The following OR51B5 variants were observed in gnomAD, a reference collection of about 807,000 sequenced individuals.
OR51B5 encodes the protein olfactory receptor family 51 subfamily B member 5, also known as olfactory receptor 51B5.
For missense variants in OR51B5, 456 were observed against 374.6 expected, an observed-to-expected ratio of 1.22 and a Z score of -1.79; for synonymous variants, 186 against 144.8, an observed-to-expected ratio of 1.28 and a Z score of -2.04.
chr11:5,355,752 C>CTTTTTTTT (rs1419599919), intron 1 of OR51B5, among the ~76,000 whole-genome samples: 3 of 79,398 alleles, frequency 3.8e-5, no homozygotes, highest in African/African-American at 9.7e-5. Context: ...TAACAATTAC[C>CTTTTTTTT]TTTAAAAATT....
chr11:5,503,830 T>C (rs114623216), intron 1 of OR51B5, among the ~76,000 whole-genome samples: 1,541 of 152,200 alleles, frequency 0.01, 25 homozygotes, highest in African/African-American at 0.035. Context: ...TTTTGAGGGG[T>C]AAGGATTAAA....
chr11:5,380,627 G>C (rs1040065220), intron 1 of OR51B5, among the ~76,000 whole-genome samples: 1 of 152,128 alleles, frequency 6.6e-6, no homozygotes, highest in Non-Finnish European at 1.5e-5. Flanking sequence ...AAGACTAAAG[G>C]CCACACACAT....
chr11:5,431,629 G>A (rs560874454), intron 1 of OR51B5: 48 of 153,302 alleles, frequency 3.1e-4, no homozygotes, highest in Non-Finnish European at 1.5e-4. Context: ...ATCAGTCTTC[G>A]CCTGCCATTT....
chr11:5,418,813 C>T (rs1850281457), intron 1 of OR51B5, among the ~76,000 whole-genome samples: 1 of 148,704 alleles, frequency 6.7e-6, no homozygotes. Context: ...ACCATCATGG[C>T]ACGTGTATAC....
At chr11:5,414,905 C>G (rs2133753950) in intron 1 of OR51B5, among the ~76,000 whole-genome samples, 1 of 152,314 alleles carries the variant, frequency 6.6e-6, no homozygotes, top group East Asian at 1.9e-4. Context: ...GAACTGAACT[C>G]AGCTCTGCAC....
At chr11:5,417,555 T>A (rs1181682681) in intron 1 of OR51B5, among the ~76,000 whole-genome samples, 1 of 148,294 alleles carries the variant, frequency 6.7e-6, no homozygotes, top group African/African-American at 2.5e-5. Context: ...ATCCAGAATC[T>A]ACAATGAACT....
chr11:5,361,001 TCG>T (rs1849275949), intron 1 of OR51B5, among the ~76,000 whole-genome samples: 1 of 114,792 alleles, frequency 8.7e-6, no homozygotes, highest in Non-Finnish European at 1.9e-5. Flanking sequence ...GGGGTGGGGG[TCG>T]GGGGGAGGGA....
At chr11:5,400,780 C>G (rs1849955834) in intron 1 of OR51B5, among the ~76,000 whole-genome samples, 1 of 152,154 alleles carries the variant, frequency 6.6e-6, no homozygotes. Flanking sequence ...TGCCTTGGTC[C>G]TGCAAGGTCC....
chr11:5,495,837 A>G (rs889718373), intron 1 of OR51B5, among the ~76,000 whole-genome samples: 1 of 152,234 alleles, frequency 6.6e-6, no homozygotes, highest in African/African-American at 2.4e-5. Flanking sequence ...CCTGCAAAAG[A>G]CTCACTTTAG....
chr11:5,474,204 G>A (rs992902866), intron 1 of OR51B5, among the ~76,000 whole-genome samples: 1 of 151,972 alleles, frequency 6.6e-6, no homozygotes, highest in Non-Finnish European at 1.5e-5. Flanking sequence ...TTCACCTTTT[G>A]TAGATGAAAT....
At chr11:5,482,753 A>G (rs1851443476) in intron 1 of OR51B5, among the ~76,000 whole-genome samples, 2 of 74,068 alleles carry the variant, frequency 2.7e-5, no homozygotes, top group African/African-American at 1.2e-4. Context: ...AACACATGAA[A>G]AAATGCTCAT....
At position 5,462,477 on chromosome 11, in the gene OR51B5, C is replaced by T. The variant is rs149234281; in HGVS notation, n.84+43092G>A. Among the ~76,000 whole-genome samples, 258 of 152,280 alleles carry T rather than the reference C, an allele frequency of 1.7e-3. 3 individuals carry two copies. In the East Asian group the frequency reaches 0.041, roughly 24 times the overall value. ...ACCACAAAGAGGTCCTGACCTACCT[C>T]AATTAAGCCACCTACAGACCTGATG... On this transcript the variant is annotated intron_variant and non_coding_transcript_variant, in intron 1 of 4. Transcript: ENST00000415970.
Position 5,429,242 on chromosome 11 carries a change from C to A in OR51B5, n.84+76327G>T, listed in dbSNP as rs1850496137. 1.3e-5 allele frequency among the ~76,000 whole-genome samples: 2 copies of A among 152,120 alleles called. 1 individual carries two copies. ...CCCAGCCTTTGAGAGTTTGGGGAGACTGGTTTGAGTAATAACTCCATCTCC... is the reference window on the plus strand; with the variant it reads ...CCCAGCCTTTGAGAGTTTGGGGAGAATGGTTTGAGTAATAACTCCATCTCC... On this transcript the variant is annotated intron_variant and non_coding_transcript_variant, in intron 1 of 4. Transcript: ENST00000415970.
chr11:5,436,751 T>C (rs1850601276), intron 1 of OR51B5, among the ~76,000 whole-genome samples: 1 of 152,176 alleles, frequency 6.6e-6, no homozygotes, highest in South Asian at 2.1e-4. Context: ...GATGAGAGAA[T>C]CTGAGAGAAA....
At chr11:5,357,994 G>A (rs1313088235) in intron 1 of OR51B5, among the ~76,000 whole-genome samples, 1 of 152,036 alleles carries the variant, frequency 6.6e-6, no homozygotes, top group Non-Finnish European at 1.5e-5. Flanking sequence ...TCAAAGCAGT[G>A]TGTAGAGGGA....
At chr11:5,409,667 C>A (rs964522569) in intron 1 of OR51B5, among the ~76,000 whole-genome samples, 3 of 151,976 alleles carry the variant, frequency 2.0e-5, no homozygotes, top group Admixed American at 6.5e-5. Flanking sequence ...ACGTGAAATA[C>A]ATGTAGGACA....
chr11:5,489,726 T>A, intron 1 of OR51B5: 1 of 1,091,528 alleles, frequency 9.2e-7, no homozygotes. Context: ...TACATTTACA[T>A]GGACACACAG....
At chr11:5,483,363 G>T (rs11037721) in intron 1 of OR51B5, among the ~76,000 whole-genome samples, 181 of 104,394 alleles carry the variant, frequency 1.7e-3, no homozygotes, top group African/African-American at 6.2e-3. Context: ...GTGATGGGGT[G>T]GGGGGAGGGG....
At chr11:5,471,649 A>AAAG (rs1191289652) in intron 1 of OR51B5, among the ~76,000 whole-genome samples, 1 of 151,692 alleles carries the variant, frequency 6.6e-6, no homozygotes, top group Non-Finnish European at 1.5e-5. Flanking sequence ...AAAAAAAAAA[A>AAAG]AATTGATCAA....
Sources: allele counts gnomAD v4.1 joint callset (sites outside exome capture counted in the v4.1 genomes callset), GRCh38; gene constraint gnomAD v4.1.1; transcripts MANE v1.5; gene names NCBI Gene and HGNC (gene_info 2026-07-23, HGNC 2026-07-21).